PRKCQ: variants seen among roughly 807,000 people sequenced by gnomAD.
The protein encoded by PRKCQ is protein kinase C theta.
A neutral mutation model predicts 91.2 loss-of-function variants in PRKCQ; 41 were observed. The ratio of observed to expected loss-of-function variants is 0.45; its 90% CI spans 0.35 to 0.58. PRKCQ has a LOEUF of 0.58. Ranked by LOEUF, PRKCQ falls within the 20% of genes least tolerant of loss-of-function variation. The pLI, the probability that PRKCQ is intolerant of heterozygous loss-of-function variation, is 0.00. For synonymous variants in PRKCQ, 307 were observed against 316.9 expected, an observed-to-expected ratio of 0.97 and a Z score of 0.33; for missense variants, 673 against 896.5, an observed-to-expected ratio of 0.75 and a Z score of 3.18.
chr10:6,449,011 TAA>T (rs1834493644), intron 15 of PRKCQ, among the ~76,000 whole-genome samples: 1 of 152,058 alleles, frequency 6.6e-6, no homozygotes, highest in South Asian at 2.1e-4. Context: ...CTGGAAACTC[TAA>T]AAAGCAGAGT....
intron 15 of PRKCQ, among the ~76,000 whole-genome samples, chr10:6,448,091 C>G (rs746302818): frequency 6.6e-6 from 1 of 152,128 alleles, no homozygotes; most frequent in Admixed American, 6.5e-5. Context: ...ACAAAAGACG[C>G]CCAGAGGTGG....
the PRKCQ span, among the ~76,000 whole-genome samples, chr10:6,403,405 T>G: frequency 6.6e-5 from 10 of 152,278 alleles, no homozygotes; most frequent in South Asian, 2.1e-3. Context: ...CCAGGCAGCT[T>G]GGTTTGACCA....
intron 12 of PRKCQ, among the ~76,000 whole-genome samples, chr10:6,471,682 G>A (rs1835976082): frequency 6.6e-6 from 1 of 152,108 alleles, no homozygotes; most frequent in African/African-American, 2.4e-5. Context: ...CCCAGGAGAT[G>A]GAGGTTGCAG....
chr10:6,467,086 T>A (rs1310566579), intron 12 of PRKCQ, among the ~76,000 whole-genome samples: 1 of 152,010 alleles, frequency 6.6e-6, no homozygotes, highest in Non-Finnish European at 1.5e-5. Context: ...AATTGATAAC[T>A]GATGGCAGCT....
intron 14 of PRKCQ, among the ~76,000 whole-genome samples, chr10:6,458,994 C>T (rs993272027): frequency 6.6e-6 from 1 of 152,146 alleles, no homozygotes; most frequent in African/African-American, 2.4e-5. Context: ...GTGAGTGACG[C>T]CACCACACCT....
intron 1 of PRKCQ, among the ~76,000 whole-genome samples, chr10:6,535,736 C>T (rs761364619): frequency 1.3e-4 from 20 of 152,118 alleles, no homozygotes; most frequent in African/African-American, 4.1e-4. Flanking sequence ...AGTCTCCCCT[C>T]GCCGCGCCTC....
intron 1 of PRKCQ, among the ~76,000 whole-genome samples, chr10:6,561,702 C>G (rs1473923496): frequency 6.6e-6 from 1 of 152,184 alleles, no homozygotes; most frequent in African/African-American, 2.4e-5. Flanking sequence ...CAAGTTATGA[C>G]TCAAGAATGT....
At chr10:6,536,287 C>T (rs1839580331) in intron 1 of PRKCQ, among the ~76,000 whole-genome samples, 1 of 152,186 alleles carries the variant, frequency 6.6e-6, no homozygotes, top group East Asian at 1.9e-4. Context: ...CCACTTGCCA[C>T]TGGCTGGAAC....
the PRKCQ span, among the ~76,000 whole-genome samples, chr10:6,416,622 A>AC: frequency 6.6e-6 from 1 of 152,200 alleles, no homozygotes; most frequent in Non-Finnish European, 1.5e-5. Flanking sequence ...GTTGATGGGC[A>AC]CTTAGGTTGG....
chr10:6,559,125 T>C (rs1438692176), intron 1 of PRKCQ, among the ~76,000 whole-genome samples: 1 of 152,190 alleles, frequency 6.6e-6, no homozygotes, highest in Non-Finnish European at 1.5e-5. Flanking sequence ...AAAAGAAAAG[T>C]TACGTATCCT....
At chr10:6,460,214 C>A (rs1835245241) in intron 14 of PRKCQ, among the ~76,000 whole-genome samples, 1 of 151,438 alleles carries the variant, frequency 6.6e-6, no homozygotes, top group Non-Finnish European at 1.5e-5. Flanking sequence ...GCTTAAAGAA[C>A]ATAACTTCCA....
chr10:6,422,456 T>C (rs954487361), downstream of PRKCQ, among the ~76,000 whole-genome samples: 1 of 152,136 alleles, frequency 6.6e-6, no homozygotes, highest in East Asian at 1.9e-4. Context: ...CCTCCCCTTA[T>C]GGTGATAGAG....
At chr10:6,485,294 C>T (rs561341654) in intron 9 of PRKCQ, 25 bp from the exon 10 acceptor site, 3 of 1,533,922 alleles carry the variant, frequency 2.0e-6, no homozygotes, top group East Asian at 4.5e-5. Context: ...GAGAGTCAGA[C>T]CACCCACCCA....
At chr10:6,573,315 T>C (rs1044199084) in intron 1 of PRKCQ, among the ~76,000 whole-genome samples, 4 of 152,190 alleles carry the variant, frequency 2.6e-5, no homozygotes, top group African/African-American at 9.6e-5. Context: ...ACAGCTGAGA[T>C]GAACTTCTCT....
At chr10:6,544,810 C>T (rs1839893214) in intron 1 of PRKCQ, among the ~76,000 whole-genome samples, 1 of 152,144 alleles carries the variant, frequency 6.6e-6, no homozygotes, top group Middle Eastern at 3.4e-3. Flanking sequence ...TTAGTAGAGA[C>T]AGTGTTTCAC....
chr10:6,423,807 G>T (rs911377376), downstream of PRKCQ, among the ~76,000 whole-genome samples: 1 of 152,150 alleles, frequency 6.6e-6, no homozygotes, highest in Non-Finnish European at 1.5e-5. Flanking sequence ...AAATTCTTCA[G>T]GAGAGAGGAC....
intron 12 of PRKCQ, among the ~76,000 whole-genome samples, chr10:6,468,099 T>A (rs1385960156): frequency 3.3e-5 from 5 of 152,206 alleles, no homozygotes; most frequent in Admixed American, 3.3e-4. Context: ...ATCAGTTGTA[T>A]AATTCTCATA....
chr10:6,434,304 G>GGT (rs1443184455), intron 16 of PRKCQ, among the ~76,000 whole-genome samples: 2 of 152,138 alleles, frequency 1.3e-5, no homozygotes, highest in African/African-American at 4.8e-5. Context: ...TTCTTCCAGT[G>GGT]AACATGTGGT....
At chr10:6,547,806 C>T (rs898845590) in intron 1 of PRKCQ, among the ~76,000 whole-genome samples, 2 of 151,650 alleles carry the variant, frequency 1.3e-5, no homozygotes, top group African/African-American at 4.8e-5. Context: ...CATTACCATT[C>T]AGGACATAGG....
Sources: gnomAD v4.1 joint callset for allele counts (sites outside exome capture counted in the v4.1 genomes callset) on GRCh38, gnomAD v4.1.1 for gene constraint, MANE v1.5 for transcripts, NCBI Gene and HGNC (gene_info 2026-07-23, HGNC 2026-07-21) for gene names.